Variants in NRDE2 observed in about 807,000 individuals in gnomAD.
NRDE2 encodes the protein nuclear exosome regulator NRDE2.
In NRDE2, 76 loss-of-function variants were observed where a neutral mutation model predicts 124.2. The observed-to-expected ratio is 0.61, with a 90% CI of 0.51 to 0.74. The LOEUF (loss-of-function observed/expected upper bound fraction) is 0.74. Among genes scored for constraint, NRDE2 ranks in the 30% least tolerant of loss-of-function variants. The probability of loss-of-function intolerance (pLI) is 0.00; values close to 1 mark genes in which losing one functional copy is unlikely to be tolerated. For synonymous variants in NRDE2, 489 were observed against 528.1 expected (o/e 0.93, Z 1.01); for missense variants, 1,314 against 1,417.3 (o/e 0.93, Z 1.17).
At chr14:90,284,269 A>C (rs1892037970) in intron 12 of NRDE2, among the ~76,000 whole-genome samples, 1 of 152,144 alleles carries the variant, frequency 6.6e-6, no homozygotes, top group African/African-American at 2.4e-5. Flanking sequence ...AACATGATCA[A>C]GTTTTGAGAA....
chr14:90,310,877 T>C, intron 4 of NRDE2, among the ~76,000 whole-genome samples: 1 of 152,160 alleles, frequency 6.6e-6, no homozygotes, highest in East Asian at 1.9e-4. Flanking sequence ...AACCAAGTAA[T>C]ACCTCAAGGA....
chr14:90,320,097 A>G (rs1253435242), intron 1 of NRDE2, among the ~76,000 whole-genome samples: 2 of 152,124 alleles, frequency 1.3e-5, no homozygotes, highest in African/African-American at 4.8e-5. Context: ...TCATGTGTTT[A>G]TTAGCCATTC....
chr14:90,296,593 T>C (rs73318628), intron 8 of NRDE2, among the ~76,000 whole-genome samples: 363 of 152,268 alleles, frequency 2.4e-3, no homozygotes, highest in African/African-American at 8.1e-3. Flanking sequence ...AAAGTTTTCA[T>C]GGTGCAAATG....
chr14:90,305,606 G>C (rs943610186), intron 4 of NRDE2, among the ~76,000 whole-genome samples: 18 of 152,366 alleles, frequency 1.2e-4, no homozygotes, highest in African/African-American at 4.3e-4. Context: ...GGAGCTACTG[G>C]TAAGTGCCTT....
intron 1 of NRDE2, among the ~76,000 whole-genome samples, chr14:90,324,249 T>C (rs774924760): frequency 6.6e-6 from 1 of 151,806 alleles, no homozygotes; most frequent in Non-Finnish European, 1.5e-5. Context: ...GCAGGAGAGG[T>C]AGGGCCTTAA....
rs757136441 is a variant in NRDE2, at chr14:90,303,937, G to A, written c.1003C>T (p.Gln335Ter). ...TQLWMAFVAFQDEVMKSPGLY... is the reference protein window; with the variant it reads ...TQLWMAFVAF ...AGAATTGGGATGGCAACACATACCT[G>A]AAAAGCAACAAATGCCATCCACAGC... is the stretch of plus-strand genomic sequence containing the variant. Residue 335 changes from glutamine (Q) to a stop codon, truncating the protein, a stop_gained and splice_region_variant, in exon 5 of 14, where the codon CAG becomes TAG. Coordinates refer to ENST00000354366, the MANE Select transcript of NRDE2 (RefSeq NM_017970.4). LOFTEE classifies it high-confidence loss of function. The A allele has an allele frequency of 6.2e-7, 1 of 1,600,634 alleles. No individual in the cohort carries two copies. Among genetic ancestry groups the A allele is most frequent in the Non-Finnish European group, 8.5e-7 (1 of 1,171,598 alleles).
rs760236661 is a variant in NRDE2, at chr14:90,302,815, CTG to C, written c.1314_1315del (p.His438GlnfsTer14). On this transcript the variant is annotated frameshift_variant, in exon 6 of 14. Coordinates refer to ENST00000354366, the MANE Select transcript of NRDE2 (RefSeq NM_017970.4). LOFTEE classifies it high-confidence loss of function. ...AGTGCTCAAGCATTTTCCATAAAGA[CTG>C]TGAATTTTTGATATCGAAAAGGTAC... 1.2e-5 allele frequency: 20 copies of C among 1,614,138 alleles called. No individual in the cohort carries two copies. The highest frequency in any genetic ancestry group is 3.3e-5 in the South Asian group (3 of 91,082).
At chr14:90,306,062 CTT>C (rs932049242) in intron 4 of NRDE2, among the ~76,000 whole-genome samples, 4 of 152,302 alleles carry the variant, frequency 2.6e-5, no homozygotes, top group African/African-American at 7.2e-5. Context: ...ACAATACAAA[CTT>C]AATGGATACA....
intron 1 of NRDE2, among the ~76,000 whole-genome samples, chr14:90,329,384 A>T (rs916504717): frequency 2.6e-5 from 4 of 152,052 alleles, no homozygotes; most frequent in Non-Finnish European, 5.9e-5. Context: ...TCCAAATCCT[A>T]CTCTCTTGAA....
intron 7 of NRDE2, among the ~76,000 whole-genome samples, chr14:90,299,249 C>T (rs372677185): frequency 1.3e-5 from 2 of 151,986 alleles, no homozygotes; most frequent in African/African-American, 4.8e-5. Context: ...GGTTTCTCCA[C>T]GTTGGTCAGG....
Position 90,271,263 on chromosome 14 carries a change from T to C in NRDE2, c.*7073A>G, listed in dbSNP as rs1330094057. ...ACTTCTGTGCCAGGATTGTGTTTTT[T>C]GCCACATCTTGTTTTTGCCACAGTA... On this transcript the variant is annotated 3_prime_UTR_variant, in exon 14 of 14. Transcript: ENST00000354366. The C allele has an allele frequency of 2.0e-5, 3 of 152,236 alleles. No individual in the cohort carries two copies. Among genetic ancestry groups the C allele is most frequent in the Non-Finnish European group, 4.4e-5 (3 of 68,044 alleles). 9.4% of individuals were successfully genotyped at this position (152,236 alleles called of 1,614,324 possible).
At chr14:90,329,533 C>T (rs1885582626) in intron 1 of NRDE2, among the ~76,000 whole-genome samples, 1 of 151,856 alleles carries the variant, frequency 6.6e-6, no homozygotes, top group Admixed American at 6.6e-5. Flanking sequence ...GACCCTGTCC[C>T]TACTTAAGAA....
chr14:90,276,545 T>G lies in NRDE2; in HGVS notation c.*1791A>C, dbSNP rs1566678958. The stretch of plus-strand genomic sequence containing the variant: ...CAAATGGGCTTTTAAATAACAACAG[T>G]GATGCTCTTGACATCTTGTTTTCTG... On this transcript the variant is annotated 3_prime_UTR_variant, in exon 14 of 14. Transcript: ENST00000354366. 1 of 152,148 alleles carries G rather than the reference T, an allele frequency of 6.6e-6. No homozygotes were observed. Among genetic ancestry groups the G allele is most frequent in the Non-Finnish European group, 1.5e-5 (1 of 68,030 alleles). 9.4% of individuals were successfully genotyped at this position (152,148 alleles called of 1,614,324 possible).
At chr14:90,288,031 G>A (rs537981261) in intron 11 of NRDE2, among the ~76,000 whole-genome samples, 186 bp downstream of exon 11, 2 of 152,122 alleles carry the variant, frequency 1.3e-5, no homozygotes, top group East Asian at 1.9e-4. Context: ...CCTGAGAGGC[G>A]CCGCTACTTT....
Position 90,324,995 on chromosome 14 carries a change from T to C in NRDE2, c.64+6846A>G, listed in dbSNP as rs75954672. ...CTATTTTAGGAGGCTGTTGTAGTAA[T>C]CTAGGAGACGATGACGGCAAAAGTT... On this transcript the variant is annotated intron_variant, in intron 1 of 13. Coordinates refer to ENST00000354366, the MANE Select transcript of NRDE2 (RefSeq NM_017970.4). 7.1e-4 allele frequency among the ~76,000 whole-genome samples: 108 copies of C among 152,056 alleles called. 1 individual carries two copies. The East Asian group carries it at 0.02, about 28-fold the overall frequency.
At chr14:90,285,038 A>G (rs562349442) in intron 12 of NRDE2, among the ~76,000 whole-genome samples, 66 of 152,170 alleles carry the variant, frequency 4.3e-4, no homozygotes, top group Middle Eastern at 3.4e-3. Context: ...CAGCACTTTC[A>G]GAGGATGAGA....
intron 7 of NRDE2, among the ~76,000 whole-genome samples, chr14:90,299,423 G>T (rs890499773): frequency 2.0e-5 from 3 of 152,202 alleles, no homozygotes; most frequent in Non-Finnish European, 2.9e-5. Context: ...GTGGTAAGCA[G>T]CTCACTGGCA....
chr14:90,278,976 G>A (rs990098019), intron 13 of NRDE2, 86 bp downstream of exon 13: 39 of 934,136 alleles, frequency 4.2e-5, no homozygotes, highest in South Asian at 3.3e-4. Context: ...CCGGTGCCGC[G>A]GGGCAGGCCG....
At chr14:90,321,901 G>A (rs908865818) in intron 1 of NRDE2, among the ~76,000 whole-genome samples, 39 of 152,278 alleles carry the variant, frequency 2.6e-4, no homozygotes, top group African/African-American at 9.1e-4. Context: ...ATGCTCTCTA[G>A]TTGGGAGTTC....
Sources: allele counts gnomAD v4.1 joint callset (sites outside exome capture counted in the v4.1 genomes callset), GRCh38; gene constraint gnomAD v4.1.1; transcripts MANE v1.5; gene names NCBI Gene and HGNC (gene_info 2026-07-23, HGNC 2026-07-21).